SMARCC1: variants seen among roughly 807,000 people sequenced by gnomAD.
The protein encoded by SMARCC1 is SWI/SNF related BAF chromatin remodeling complex subunit C1.
Under a neutral mutation model 147.4 loss-of-function variants are expected in SMARCC1, and 43 were observed. That is an observed-to-expected ratio of 0.29 (90% CI 0.23 to 0.38). The LOEUF (loss-of-function observed/expected upper bound fraction) is 0.38. Among genes scored for constraint, SMARCC1 ranks in the 10% least tolerant of loss-of-function variants. The pLI is 1.00. For missense variants in SMARCC1, 1,119 were observed against 1,381.1 expected (o/e 0.81, Z 3.01); for synonymous variants, 495 against 484.4 (o/e 1.02, Z -0.29).
chr3:47,724,893 G>A (rs1313035301), intron 6 of SMARCC1, among the ~76,000 whole-genome samples: 1 of 151,844 alleles, frequency 6.6e-6, no homozygotes, highest in Non-Finnish European at 1.5e-5. Flanking sequence ...TACAAAAATT[G>A]TTTTTAAATT....
intron 10 of SMARCC1, among the ~76,000 whole-genome samples, chr3:47,702,339 G>A (rs185967961): frequency 2.2e-4 from 33 of 150,900 alleles, no homozygotes; most frequent in African/African-American, 7.3e-4. Context: ...AGAGAAATAC[G>A]ATAGAAGTAT....
intron 26 of SMARCC1, among the ~76,000 whole-genome samples, chr3:47,595,703 G>GT (rs2032264468): frequency 1.3e-5 from 2 of 150,420 alleles, no homozygotes; most frequent in African/African-American, 2.4e-5. Flanking sequence ...TCTTTCATCT[G>GT]TATTACACCG....
chr3:47,743,249 C>T (rs1048176321), intron 3 of SMARCC1, among the ~76,000 whole-genome samples: 4 of 152,064 alleles, frequency 2.6e-5, no homozygotes, highest in South Asian at 2.1e-4. Context: ...TTCAAGTGTG[C>T]GAGGCACAAG....
chr3:47,652,237 T>A (rs528380037), intron 21 of SMARCC1, among the ~76,000 whole-genome samples: 102 of 152,154 alleles, frequency 6.7e-4, no homozygotes, highest in Middle Eastern at 3.2e-3. Flanking sequence ...GCCAAAATGT[T>A]GGGATTACGA....
At chr3:47,777,294 G>A (rs1018244606) in intron 1 of SMARCC1, among the ~76,000 whole-genome samples, 1 of 151,320 alleles carries the variant, frequency 6.6e-6, no homozygotes, top group Admixed American at 6.6e-5. Context: ...TGTTGGCCAG[G>A]CTGGTCTCAA....
chr3:47,680,200 C>A, intron 15 of SMARCC1: 1 of 396,562 alleles, frequency 2.5e-6, no homozygotes. Flanking sequence ...ACAGCCTGGG[C>A]AACAGAGTGA....
chr3:47,718,096 G>A (rs2034180566), intron 7 of SMARCC1, among the ~76,000 whole-genome samples: 1 of 137,292 alleles, frequency 7.3e-6, no homozygotes, highest in African/African-American at 2.8e-5. Context: ...CTGTCTTCAT[G>A]CCACTGCACT....
intron 12 of SMARCC1, among the ~76,000 whole-genome samples, chr3:47,690,366 G>A (rs1057270617): frequency 3.3e-5 from 5 of 152,098 alleles, no homozygotes; most frequent in African/African-American, 1.2e-4. Flanking sequence ...GTGGGTAGGT[G>A]GACACTTCAG....
intron 13 of SMARCC1, among the ~76,000 whole-genome samples, chr3:47,686,403 A>AG (rs2033724014): frequency 6.6e-6 from 1 of 152,186 alleles, no homozygotes; most frequent in Non-Finnish European, 1.5e-5. Flanking sequence ...AATGCAGAGA[A>AG]GGTAGGTCTC....
At chr3:47,647,410 A>G (rs996125281) in intron 21 of SMARCC1, among the ~76,000 whole-genome samples, 1 of 152,172 alleles carries the variant, frequency 6.6e-6, no homozygotes, top group African/African-American at 2.4e-5. Flanking sequence ...TGTTCTGAGC[A>G]TGTTGAAGGT....
intron 8 of SMARCC1, among the ~76,000 whole-genome samples, chr3:47,713,598 T>A (rs920025882): frequency 6.9e-5 from 10 of 145,114 alleles, no homozygotes; most frequent in African/African-American, 2.5e-4. Context: ...GCTCAGATAA[T>A]TTTTTTTTTT....
At chr3:47,616,557 T>G (rs2106678172) in intron 25 of SMARCC1, among the ~76,000 whole-genome samples, 1 of 152,188 alleles carries the variant, frequency 6.6e-6, no homozygotes, top group Non-Finnish European at 1.5e-5. Flanking sequence ...GTGGTTCTCC[T>G]GCCTCAGCCT....
intron 2 of SMARCC1, among the ~76,000 whole-genome samples, chr3:47,749,693 AGT>A (rs1389407401): frequency 1.7e-4 from 26 of 149,886 alleles, no homozygotes; most frequent in Middle Eastern, 3.5e-3. Flanking sequence ...ACACACACAA[AGT>A]GAGACCCTCT....
In SMARCC1 at chr3:47,780,247, C is replaced by G. The variant is rs541766796; in HGVS notation, c.195+1356G>C. On this transcript the variant is annotated intron_variant, in intron 1 of 27. Coordinates refer to ENST00000254480, the MANE Select transcript of SMARCC1 (RefSeq NM_003074.4). ...AGTGCAATGGTGCAATCTCGGCTCA[C>G]TGCAGCTTCTGCCTCCTGGGTTCAA... Among the ~76,000 whole-genome samples, 33 of 141,244 alleles carry G rather than the reference C, an allele frequency of 2.3e-4. 1 individual carries two copies. Among genetic ancestry groups the G allele is most frequent in the African/African-American group, 8.4e-4 (32 of 37,956 alleles). 92.7% of individuals were successfully genotyped at this position (141,244 alleles called of 152,430 possible).
At chr3:47,760,384 C>T (rs1316261805) in intron 2 of SMARCC1, among the ~76,000 whole-genome samples, 2 of 152,042 alleles carry the variant, frequency 1.3e-5, no homozygotes, top group African/African-American at 2.4e-5. Flanking sequence ...AGTCATGGGC[C>T]AGAGGGAGTG....
chr3:47,727,758 G>A (rs910731290), intron 6 of SMARCC1, among the ~76,000 whole-genome samples: 3 of 150,322 alleles, frequency 2.0e-5, no homozygotes. Flanking sequence ...TAGGATTACA[G>A]ACACCTGCCA....
chr3:47,706,427 T>C lies in SMARCC1; in HGVS notation c.1022A>G (p.Lys341Arg), dbSNP rs762802071. The part of the protein sequence containing the change: ...PPPPTPTESR[K>R]KSGKKGQASL... ...TTCTTACCCTTTCTTCCCACTCTTCTTCCGTGATTCTGTTGGTGTCGGAGG... is the reference window on the plus strand; with the variant it reads ...TTCTTACCCTTTCTTCCCACTCTTCCTCCGTGATTCTGTTGGTGTCGGAGG... Residue 341 changes from lysine to arginine, a missense_variant, in exon 10 of 28, where the codon AAG becomes AGG. By Grantham distance (26) the Lys-to-Arg change is conservative. Coordinates refer to ENST00000254480, the MANE Select transcript of SMARCC1 (RefSeq NM_003074.4). 6.3e-7 allele frequency: 1 copy of C among 1,575,960 alleles called. No homozygotes were observed. The highest frequency in any genetic ancestry group is 1.2e-5 in the South Asian group (1 of 84,392).
chr3:47,606,170 C>T (rs1393372510), intron 26 of SMARCC1, among the ~76,000 whole-genome samples: 3 of 152,084 alleles, frequency 2.0e-5, no homozygotes, highest in African/African-American at 7.2e-5. Context: ...TTAGAAAAGC[C>T]TATTTTTGTG....
In SMARCC1 at chr3:47,604,536, C is replaced by A. The variant is rs1337321393; in HGVS notation, c.3043+5530G>T. The A allele has an allele frequency of 3.9e-5, 13 of 329,342 alleles. No homozygotes were observed. In the East Asian group the frequency reaches 1.0e-3, roughly 26 times the overall value. The allele number at this position is 329,342 out of a possible 1,614,324, so 20.4% of individuals were successfully genotyped here. ...ACCTTACCCTGTGGCAACTCAGAGA[C>A]TAAAGCCATTCTGGCCCCAAAATGC... On this transcript the variant is annotated intron_variant, in intron 26 of 27. Coordinates refer to ENST00000254480, the MANE Select transcript of SMARCC1 (RefSeq NM_003074.4).
Sources: gnomAD v4.1 joint callset for allele counts (sites outside exome capture counted in the v4.1 genomes callset) on GRCh38, gnomAD v4.1.1 for gene constraint, MANE v1.5 for transcripts, NCBI Gene and HGNC (gene_info 2026-07-23, HGNC 2026-07-21) for gene names.